Variants in XPO4 observed in about 807,000 individuals in gnomAD.
The protein encoded by XPO4 is exportin 4, also known as exportin-4.
XPO4 carries 39 observed loss-of-function variants against 143.0 expected under a neutral mutation model. The observed-to-expected ratio is 0.27, with a 90% CI of 0.21 to 0.36. The LOEUF is 0.36. XPO4 is among the 10% of genes least tolerant of loss of function. The pLI is 1.00. For synonymous variants in XPO4, 439 were observed against 474.0 expected (o/e 0.93, Z 0.96); for missense variants, 907 against 1,348.0 (o/e 0.67, Z 5.12).
At chr13:20,821,359 T>C (rs1213620589) in intron 9 of XPO4, among the ~76,000 whole-genome samples, 1 of 151,360 alleles carries the variant, frequency 6.6e-6, no homozygotes, top group African/African-American at 2.4e-5. Context: ...AGCAACACCC[T>C]GTAAACAATG....
intron 19 of XPO4, among the ~76,000 whole-genome samples, 191 bp downstream of exon 19, chr13:20,790,271 G>C (rs1566557056): frequency 6.6e-6 from 1 of 152,180 alleles, no homozygotes; most frequent in African/African-American, 2.4e-5. Flanking sequence ...GGCAGAAACA[G>C]AGACTAAGTA....
Position 20,808,419 on chromosome 13 carries a change from A to G in XPO4, c.1639+17T>C. Reference sequence around the variant, plus strand: ...CTCAGTTGGCAATTACATTTTAAAAAGAAACCACCAACCAACCTGTAACTA... The same window carrying G: ...CTCAGTTGGCAATTACATTTTAAAAGGAAACCACCAACCAACCTGTAACTA... On this transcript the variant is annotated intron_variant, in intron 12 of 22. Transcript: ENST00000255305. The G allele has an allele frequency of 6.7e-7, 1 of 1,501,994 alleles. No individual in the cohort carries two copies. The highest frequency in any genetic ancestry group is 1.4e-5 in the South Asian group (1 of 72,422). The allele number at this position is 1,501,994 out of a possible 1,614,324, so 93.0% of individuals were successfully genotyped here.
intron 10 of XPO4, 57 bp from the exon 11 acceptor site, chr13:20,809,282 C>T: frequency 6.4e-7 from 1 of 1,572,938 alleles, no homozygotes; most frequent in Non-Finnish European, 8.6e-7. Flanking sequence ...TCAACGTGCA[C>T]TTCTGTGGCT....
At chr13:20,854,477 C>G (rs1399704232) in intron 4 of XPO4, among the ~76,000 whole-genome samples, 1 of 152,080 alleles carries the variant, frequency 6.6e-6, no homozygotes, top group Non-Finnish European at 1.5e-5. Flanking sequence ...CCACTGAAGA[C>G]AAAAGGAATT....
At chr13:20,823,796 C>G (rs2059750402) in intron 7 of XPO4, among the ~76,000 whole-genome samples, 1 of 152,134 alleles carries the variant, frequency 6.6e-6, no homozygotes, top group East Asian at 1.9e-4. Flanking sequence ...GGATTACAGG[C>G]ACGTGCCACG....
chr13:20,840,518 C>G (rs2059963840), intron 6 of XPO4, among the ~76,000 whole-genome samples: 1 of 152,116 alleles, frequency 6.6e-6, no homozygotes, highest in Non-Finnish European at 1.5e-5. Context: ...GATAAACCAT[C>G]TTTTAAAAGG....
At chr13:20,888,763 A>G (rs1057022892) in intron 1 of XPO4, among the ~76,000 whole-genome samples, 1 of 152,114 alleles carries the variant, frequency 6.6e-6, no homozygotes, top group African/African-American at 2.4e-5. Flanking sequence ...GACATTTCAC[A>G]TTCACAATTA....
At position 20,777,943 on chromosome 13, in the gene XPO4, C is replaced by T. The variant is rs1339628216; in HGVS notation, c.*5779G>A. The T allele has an allele frequency of 6.6e-6, 1 of 152,152 alleles. No homozygotes were observed. Among genetic ancestry groups the T allele is most frequent in the South Asian group, 2.1e-4 (1 of 4,832 alleles). 9.4% of individuals were successfully genotyped at this position (152,152 alleles called of 1,614,324 possible). ...AGTTTCACCAAATATACCATTTCCA[C>T]TTAGTTTTAAAAGAAAGTCAAACTG... On this transcript the variant is annotated 3_prime_UTR_variant, in exon 23 of 23. Coordinates refer to ENST00000255305, the MANE Select transcript of XPO4 (RefSeq NM_022459.5).
At chr13:20,849,699 C>A (rs116662642) in intron 4 of XPO4, 1 of 984,120 alleles carries the variant, frequency 1.0e-6, no homozygotes, top group Non-Finnish European at 1.2e-6. Flanking sequence ...ATTTTTTACA[C>A]AAATTAGATA....
chr13:20,833,225 T>C (rs1031511928), intron 6 of XPO4, among the ~76,000 whole-genome samples: 3 of 152,082 alleles, frequency 2.0e-5, no homozygotes, highest in African/African-American at 7.2e-5. Flanking sequence ...TAATAAATAT[T>C]TGCTGAGCAT....
rs1225634849 is a variant in XPO4 at position 20,862,843 on chromosome 13, T to C, written c.191A>G (p.Asp64Gly). ...TGTGGCAGCTTGAAAGAGGACATAG[T>C]CCACTTTACTAGTTTCTGAGGAGAA... ...CKHILETSKVDYVLFQAATAI... is the reference protein window; with the variant it reads ...CKHILETSKVGYVLFQAATAI... The change falls in exon 3 of 23, where the codon GAC (aspartate) becomes GGC (glycine). Residue 64 changes from aspartate (D) to glycine (G), a missense_variant. Asp to Gly is a moderately conservative substitution (Grantham distance 94, BLOSUM62 -1). Transcript: ENST00000255305. 6.2e-7 allele frequency: 1 copy of C among 1,613,962 alleles called. No homozygotes were observed. The highest frequency in any genetic ancestry group is 1.3e-5 in the African/African-American group (1 of 74,918).
chr13:20,854,288 G>A (rs1354731308), intron 4 of XPO4, among the ~76,000 whole-genome samples: 1 of 152,198 alleles, frequency 6.6e-6, no homozygotes, highest in Non-Finnish European at 1.5e-5. Flanking sequence ...GGCTGGGAGA[G>A]TGAGTTGAGC....
chr13:20,807,627 G>C lies in XPO4; in HGVS notation c.1647C>G (p.Leu549=), dbSNP rs1324680561. ...TCTCTCCCTGAGTATCATCAGCTAAGAGGTAGCCTTCAGTTTAAAAAAAAT... is the reference window on the plus strand; with the variant it reads ...TCTCTCCCTGAGTATCATCAGCTAACAGGTAGCCTTCAGTTTAAAAAAAAT... ...IHWLILVTGY[L]LADDTQGETP... is the part of the protein sequence containing the mutation. Residue 549 remains leucine (L), a synonymous_variant, in exon 13 of 23, where the codon CTC becomes CTG. Transcript: ENST00000255305. 1 of 1,575,090 alleles carries C rather than the reference G, an allele frequency of 6.3e-7. No homozygotes were observed. The highest frequency in any genetic ancestry group is 1.2e-5 in the South Asian group (1 of 82,106).
chr13:20,794,054 C>T (rs553701837), intron 18 of XPO4, among the ~76,000 whole-genome samples: 23 of 152,318 alleles, frequency 1.5e-4, no homozygotes, highest in African/African-American at 5.1e-4. Flanking sequence ...TAAATGTTTA[C>T]TTCTATTATA....
chr13:20,792,364 A>G (rs1041738025), intron 18 of XPO4, among the ~76,000 whole-genome samples: 11 of 151,968 alleles, frequency 7.2e-5, no homozygotes, highest in African/African-American at 2.7e-4. Context: ...AGGGTGAGAC[A>G]GGCGGATCAC....
chr13:20,819,516 C>T (rs1047319899), intron 9 of XPO4, among the ~76,000 whole-genome samples: 8 of 152,024 alleles, frequency 5.3e-5, no homozygotes, highest in South Asian at 4.1e-4. Context: ...AAAAATTAGC[C>T]GGGCGTGATG....
intron 1 of XPO4, among the ~76,000 whole-genome samples, chr13:20,873,926 G>C (rs2060327848): frequency 6.6e-6 from 1 of 152,110 alleles, no homozygotes; most frequent in African/African-American, 2.4e-5. Flanking sequence ...TACTTTACAT[G>C]CATTATCTCA....
At chr13:20,800,474 CA>C (rs1261688339) in intron 14 of XPO4, 149 bp from the exon 15 acceptor site, 597 of 724,722 alleles carry the variant, frequency 8.2e-4, no homozygotes, top group Middle Eastern at 1.6e-3. Context: ...TTCCACTGGT[CA>C]AAAAAAAAGA....
Position 20,898,797 on chromosome 13 carries a change from T to C in XPO4, c.69+3873A>G, listed in dbSNP as rs74897929. ...ATAAGAACACTAAACTTTTCAATAA[T>C]GTTGTCTCTAAAATCAAAACACCTC... On this transcript the variant is annotated intron_variant, in intron 1 of 22. Coordinates refer to ENST00000255305, the MANE Select transcript of XPO4 (RefSeq NM_022459.5). Among the ~76,000 whole-genome samples, 1,391 of 151,840 alleles carry C rather than the reference T, an allele frequency of 9.2e-3. 21 individuals carry two copies. The highest frequency in any genetic ancestry group is 0.031 in the African/African-American group (1,290 of 41,114).
Sources: allele counts gnomAD v4.1 joint callset (sites outside exome capture counted in the v4.1 genomes callset), GRCh38; gene constraint gnomAD v4.1.1; transcripts MANE v1.5; gene names NCBI Gene and HGNC (gene_info 2026-07-23, HGNC 2026-07-21).